Variants in GABPB2 observed in about 807,000 individuals in gnomAD.
The protein encoded by GABPB2 is GA-binding protein subunit beta-2.
In GABPB2, 23 loss-of-function variants were observed where a neutral mutation model predicts 39.1. The observed-to-expected ratio is 0.59, with a 90% CI of 0.42 to 0.83. The LOEUF is 0.83. Among genes scored for constraint, GABPB2 ranks in the 40% least tolerant of loss-of-function variants. The pLI is 0.00. For synonymous variants in GABPB2, 184 were observed against 199.3 expected (o/e 0.92, Z 0.65); for missense variants, 467 against 541.1 (o/e 0.86, Z 1.36).
intron 8 of GABPB2, 66 bp downstream of exon 8, chr1:151,117,582 ATCTTT>A (rs1680975313): frequency 1.3e-6 from 2 of 1,535,908 alleles, no homozygotes; most frequent in African/African-American, 2.8e-5. Flanking sequence ...ACCCTTCTTC[ATCTTT>A]TCTTTTTTCT....
chr1:151,087,318 G>A lies in GABPB2; in HGVS notation c.1-872G>A, dbSNP rs377090045. On this transcript the variant is annotated intron_variant, in intron 1 of 8. Coordinates refer to ENST00000368918, the MANE Select transcript of GABPB2 (RefSeq NM_144618.3). ...CCTTAAATTTTAAGCATGATTATAT[G>A]ATTACACGATAGTCAGAAGATAAAA... 2.6e-5 allele frequency among the ~76,000 whole-genome samples: 4 copies of A among 151,822 alleles called. No homozygotes were observed. In the East Asian group the frequency reaches 5.8e-4, roughly 22 times the overall value.
chr1:151,117,654 G>A (rs1680979094), intron 8 of GABPB2, 138 bp downstream of exon 8: 2 of 928,196 alleles, frequency 2.2e-6, no homozygotes, highest in Non-Finnish European at 3.2e-6. Context: ...CATGATCTCA[G>A]CTCACTGCAA....
chr1:151,105,920 GTTTTC>G (rs1679928940), intron 6 of GABPB2, among the ~76,000 whole-genome samples: 1 of 150,670 alleles, frequency 6.6e-6, no homozygotes, highest in Non-Finnish European at 1.5e-5. Flanking sequence ...AAATATCCCT[GTTTTC>G]TTATAGAAAT....
At position 151,107,104 on chromosome 1, in the gene GABPB2, A is replaced by G. The variant is rs749739658; in HGVS notation, c.804A>G (p.Gly268=). The G allele has an allele frequency of 1.1e-5, 17 of 1,613,428 alleles. No individual in the cohort carries two copies. The highest frequency in any genetic ancestry group is 1.4e-5 in the Non-Finnish European group (17 of 1,179,560). The change falls in exon 7 of 9, where the codon GGA becomes GGG. Residue 268 remains glycine (G), a synonymous_variant. Coordinates refer to ENST00000368918, the MANE Select transcript of GABPB2 (RefSeq NM_144618.3). ...CAATCCAGCAAGTAATGGGGAGTGGAGGCCAGAGGGTCATCACCATAGTGA... is the reference window on the plus strand; with the variant it reads ...CAATCCAGCAAGTAATGGGGAGTGGGGGCCAGAGGGTCATCACCATAGTGA... ...DSSIQQVMGS[G]GQRVITIVTD... is the part of the protein sequence containing the mutation.
At position 151,121,011 on chromosome 1, in the gene GABPB2, C is replaced by A. The variant is rs1032212624; in HGVS notation, c.*2755C>A. On this transcript the variant is annotated 3_prime_UTR_variant, in exon 9 of 9. Coordinates refer to ENST00000368918, the MANE Select transcript of GABPB2 (RefSeq NM_144618.3). Reference sequence around the variant, plus strand: ...CCTCAGGTGATCCACCCGCCTTGGCCTCCCAAAATGCTGAGATTACAGGCG... The same window carrying A: ...CCTCAGGTGATCCACCCGCCTTGGCATCCCAAAATGCTGAGATTACAGGCG... 1 of 152,186 alleles carries A rather than the reference C, an allele frequency of 6.6e-6. No homozygotes were observed. The highest frequency in any genetic ancestry group is 2.4e-5 in the African/African-American group (1 of 41,434). The allele number at this position is 152,186 out of a possible 1,614,324, so 9.4% of individuals were successfully genotyped here. A position where few individuals can be genotyped will look rare whatever the true frequency, so the allele number is the denominator to read the frequency against.
chr1:151,072,863 C>G (rs1676846284), intron 1 of GABPB2, among the ~76,000 whole-genome samples: 1 of 152,068 alleles, frequency 6.6e-6, no homozygotes, highest in African/African-American at 2.4e-5. Flanking sequence ...AACAAACAAA[C>G]AAACATACTT....
chr1:151,106,501 C>T (rs1395103090), intron 6 of GABPB2, among the ~76,000 whole-genome samples: 10 of 151,758 alleles, frequency 6.6e-5, no homozygotes, highest in Non-Finnish European at 1.2e-4. Flanking sequence ...CCATGCCTGA[C>T]TAATTTTTGT....
chr1:151,077,703 A>G (rs1677297284), intron 1 of GABPB2, among the ~76,000 whole-genome samples: 1 of 151,874 alleles, frequency 6.6e-6, no homozygotes, highest in Non-Finnish European at 1.5e-5. Context: ...CTGTAATCCC[A>G]GCACTTTGGG....
At chr1:151,112,669 A>G in intron 7 of GABPB2, 1 of 203,254 alleles carries the variant, frequency 4.9e-6, no homozygotes, top group East Asian at 1.1e-4. Flanking sequence ...AGACATGACA[A>G]GAGCAAGAAC....
intron 4 of GABPB2, 22 bp downstream of exon 4, chr1:151,093,408 C>G: frequency 6.6e-7 from 1 of 1,506,400 alleles, no homozygotes; most frequent in Non-Finnish European, 8.9e-7. Context: ...TTTATACTCT[C>G]CAGAATGTAT....
intron 1 of GABPB2, among the ~76,000 whole-genome samples, chr1:151,071,551 C>T (rs1427022731): frequency 2.0e-5 from 3 of 149,878 alleles, no homozygotes; most frequent in African/African-American, 7.4e-5. Context: ...CTCACTGCAA[C>T]CTCCGCTTCC....
intron 1 of GABPB2, among the ~76,000 whole-genome samples, chr1:151,079,383 A>C (rs1336719196): frequency 6.6e-6 from 1 of 151,846 alleles, no homozygotes; most frequent in Non-Finnish European, 1.5e-5. Flanking sequence ...CTCTACTAAA[A>C]ATGCATAAAT....
At chr1:151,077,935 G>C (rs893385997) in intron 1 of GABPB2, among the ~76,000 whole-genome samples, 2 of 144,408 alleles carry the variant, frequency 1.4e-5, no homozygotes, top group South Asian at 2.2e-4. Flanking sequence ...CTGGGCAACA[G>C]AGCAAGACTC....
intron 1 of GABPB2, among the ~76,000 whole-genome samples, chr1:151,084,825 C>T (rs948019599): frequency 1.2e-4 from 18 of 152,024 alleles, no homozygotes; most frequent in East Asian, 1.9e-4. Context: ...TGAGCCACCG[C>T]GCCCAGCCAG....
intron 7 of GABPB2, among the ~76,000 whole-genome samples, chr1:151,112,906 G>C (rs988778166): frequency 1.3e-5 from 2 of 151,164 alleles, no homozygotes; most frequent in African/African-American, 4.9e-5. Context: ...GAGTAGCTGG[G>C]ACTACAGGTG....
At chr1:151,088,575 C>A in intron 2 of GABPB2, 1 of 621,934 alleles carries the variant, frequency 1.6e-6, no homozygotes, top group African/African-American at 1.9e-5. Flanking sequence ...AAAGGTTTAA[C>A]TGTCTCTGGA....
At position 151,124,048 on chromosome 1, in the gene GABPB2, G is replaced by A. The variant is rs1572009195; in HGVS notation, c.*5792G>A. The stretch of plus-strand genomic sequence containing the variant: ...GGTGGTGGCGCATCATCATACTGGT[G>A]AGAAAAAAAAAAAAAAAAAAGAGGC... On this transcript the variant is annotated 3_prime_UTR_variant, in exon 9 of 9. Transcript: ENST00000368918. The A allele has an allele frequency of 5.2e-5, 2 of 38,654 alleles. No homozygotes were observed. The highest frequency in any genetic ancestry group is 7.9e-4 in the Admixed American group (2 of 2,522). The allele number at this position is 38,654 out of a possible 1,614,324, so 2.4% of individuals were successfully genotyped here. A position where few individuals can be genotyped will look rare whatever the true frequency, so the allele number is the denominator to read the frequency against.
intron 7 of GABPB2, among the ~76,000 whole-genome samples, chr1:151,116,878 A>G (rs894762825): frequency 6.6e-6 from 1 of 152,034 alleles, no homozygotes; most frequent in Admixed American, 6.6e-5. Flanking sequence ...CCAACATGCT[A>G]GAATTATAGG....
intron 3 of GABPB2, among the ~76,000 whole-genome samples, chr1:151,092,246 A>G (rs1221878253): frequency 1.3e-5 from 2 of 151,270 alleles, no homozygotes; most frequent in East Asian, 3.9e-4. Context: ...AGCTGGGACT[A>G]CAGGCGTGCT....
Sources: gnomAD v4.1 joint callset for allele counts (sites outside exome capture counted in the v4.1 genomes callset) on GRCh38, gnomAD v4.1.1 for gene constraint, MANE v1.5 for transcripts, NCBI Gene and HGNC (gene_info 2026-07-23, HGNC 2026-07-21) for gene names.